The following DNM3 variants were observed in gnomAD, a reference collection of about 807,000 sequenced individuals.
DNM3 encodes dynamin-3.
Under a neutral mutation model 101.6 loss-of-function variants are expected in DNM3, and 47 were observed. The observed-to-expected ratio is 0.46, with a 90% CI of 0.37 to 0.59. DNM3 has a LOEUF of 0.59. DNM3 is among the 20% of genes least tolerant of loss of function. DNM3 has a pLI of 0.00. For missense variants in DNM3, 849 were observed against 1,085.7 expected (o/e 0.78, Z 3.06); for synonymous variants, 385 against 387.9 (o/e 0.99, Z 0.09).
intron 4 of DNM3, among the ~76,000 whole-genome samples, chr1:172,010,755 AG>A (rs2047070427): frequency 7.4e-6 from 1 of 134,736 alleles, no homozygotes. Flanking sequence ...AGAATCTGTG[AG>A]TTTGTAGTTT....
chr1:171,900,534 CT>C (rs1261239915), intron 1 of DNM3, among the ~76,000 whole-genome samples: 3 of 152,112 alleles, frequency 2.0e-5, no homozygotes, highest in African/African-American at 7.2e-5. Flanking sequence ...ATTTTCACCA[CT>C]TTTAGGAATG....
At chr1:172,402,267 T>C (rs186521693) in intron 20 of DNM3, among the ~76,000 whole-genome samples, 1 of 152,278 alleles carries the variant, frequency 6.6e-6, no homozygotes, top group African/African-American at 2.4e-5. Flanking sequence ...TTTTTGTAGA[T>C]AAAACCCTTC....
At chr1:172,391,126 G>C (rs1038461233) in intron 20 of DNM3, among the ~76,000 whole-genome samples, 1 of 152,184 alleles carries the variant, frequency 6.6e-6, no homozygotes, top group Non-Finnish European at 1.5e-5. Context: ...CTACATTAGG[G>C]AATTTATAGG....
intron 14 of DNM3, among the ~76,000 whole-genome samples, chr1:172,168,248 CT>C (rs5778720): frequency 0.56 from 84,344 of 149,958 alleles, 25,111 homozygotes; most frequent in African/African-American, 0.78. Flanking sequence ...TATGGTCTCC[CT>C]TTTTTTTTTG....
At chr1:172,285,471 G>A (rs1367243298) in intron 15 of DNM3, among the ~76,000 whole-genome samples, 1 of 152,138 alleles carries the variant, frequency 6.6e-6, no homozygotes, top group Non-Finnish European at 1.5e-5. Context: ...GGTGGGGCCA[G>A]GGGACACAGC....
At chr1:171,984,123 C>T (rs867666739) in intron 2 of DNM3, among the ~76,000 whole-genome samples, 2 of 152,288 alleles carry the variant, frequency 1.3e-5, no homozygotes, top group Non-Finnish European at 1.5e-5. Flanking sequence ...TTTAACCACT[C>T]ATCACCACCC....
At chr1:172,077,403 T>A (rs963294164) in intron 11 of DNM3, among the ~76,000 whole-genome samples, 2 of 152,232 alleles carry the variant, frequency 1.3e-5, no homozygotes, top group Non-Finnish European at 1.5e-5. Flanking sequence ...AATTGTGATG[T>A]TAGGGTGTCG....
intron 6 of DNM3, among the ~76,000 whole-genome samples, chr1:172,037,388 C>G (rs1287295038): frequency 6.6e-6 from 1 of 152,170 alleles, no homozygotes; most frequent in African/African-American, 2.4e-5. Flanking sequence ...TTGGAACCAA[C>G]CCAAATGTCC....
At chr1:172,068,187 G>A (rs2051851598) in intron 10 of DNM3, among the ~76,000 whole-genome samples, 1 of 152,110 alleles carries the variant, frequency 6.6e-6, no homozygotes, top group Non-Finnish European at 1.5e-5. Flanking sequence ...AATTAGCTGA[G>A]CTTGGTGGCA....
chr1:172,041,679 A>G (rs956731002), intron 7 of DNM3, among the ~76,000 whole-genome samples: 1 of 152,174 alleles, frequency 6.6e-6, no homozygotes, highest in Non-Finnish European at 1.5e-5. Flanking sequence ...GTTCAGGTCC[A>G]TTTGATTATT....
chr1:172,156,445 C>T (rs1041185077), intron 14 of DNM3, among the ~76,000 whole-genome samples: 1 of 151,986 alleles, frequency 6.6e-6, no homozygotes, highest in African/African-American at 2.4e-5. Flanking sequence ...GTTTTGAGTA[C>T]CTAGACTTAG....
intron 2 of DNM3, among the ~76,000 whole-genome samples, chr1:171,965,571 T>C (rs1435073644): frequency 3.4e-5 from 5 of 149,136 alleles, no homozygotes; most frequent in Non-Finnish European, 5.9e-5. Flanking sequence ...AAAAGGGTTG[T>C]TGCGGGGGAT....
chr1:172,373,136 ATAG>A (rs1370933828), intron 17 of DNM3, among the ~76,000 whole-genome samples: 2 of 152,132 alleles, frequency 1.3e-5, no homozygotes, highest in Non-Finnish European at 2.9e-5. Context: ...CTCACTAACA[ATAG>A]TATTTGTAGA....
chr1:172,279,337 G>A (rs1335134393), intron 15 of DNM3, among the ~76,000 whole-genome samples: 1 of 152,116 alleles, frequency 6.6e-6, no homozygotes, highest in Non-Finnish European at 1.5e-5. Context: ...ACTAGTGTAT[G>A]GGTGTTTGCA....
chr1:172,043,098 C>T (rs371898275), intron 8 of DNM3, among the ~76,000 whole-genome samples: 1 of 152,156 alleles, frequency 6.6e-6, no homozygotes, highest in East Asian at 1.9e-4. Flanking sequence ...GAGAATTAAA[C>T]TTCTTTAGCT....
intron 12 of DNM3, among the ~76,000 whole-genome samples, chr1:172,090,194 C>G (rs1427476263): frequency 1.1e-4 from 17 of 152,152 alleles, no homozygotes; most frequent in Admixed American, 1.1e-3. Context: ...ACTCCTAAAA[C>G]ACAATTATGG....
At chr1:171,850,663 T>A (rs1268444688) in intron 1 of DNM3, among the ~76,000 whole-genome samples, 1 of 152,236 alleles carries the variant, frequency 6.6e-6, no homozygotes, top group Admixed American at 6.5e-5. Context: ...TAAGAAACTT[T>A]AGCCTGTTTA....
At chr1:172,133,123 G>A in intron 14 of DNM3, 2 of 1,407,918 alleles carry the variant, frequency 1.4e-6, no homozygotes, top group South Asian at 1.7e-5. Flanking sequence ...GTTAGCAGCA[G>A]AGACACTGAA....
Position 172,127,808 on chromosome 1 carries a change from C to A in DNM3, c.1546-3367C>A, listed in dbSNP as rs146316551. Among the ~76,000 whole-genome samples the A allele has an allele frequency of 2.8e-4, 43 of 152,206 alleles. No individual in the cohort carries two copies. The East Asian group carries it at 7.7e-3, about 27-fold the overall frequency. The stretch of plus-strand genomic sequence containing the variant: ...AAGAAAGAAACCTAAAACAAAACAG[C>A]TATCACTACCATCACCTCCTTTGAC... On this transcript the variant is annotated intron_variant, in intron 13 of 20. Coordinates refer to ENST00000627582, the MANE Select transcript of DNM3 (RefSeq NM_015569.5).
Sources: gnomAD v4.1 joint callset for allele counts (sites outside exome capture counted in the v4.1 genomes callset) on GRCh38, gnomAD v4.1.1 for gene constraint, MANE v1.5 for transcripts, NCBI Gene and HGNC (gene_info 2026-07-23, HGNC 2026-07-21) for gene names.